HTR4: variants seen among roughly 807,000 people sequenced by gnomAD.
HTR4 encodes 5-hydroxytryptamine (serotonin) receptor 4, G protein-coupled.
A neutral mutation model predicts 36.8 loss-of-function variants in HTR4; 16 were observed. That is an observed-to-expected ratio of 0.43 (90% CI 0.29 to 0.66). HTR4 has a LOEUF of 0.66. HTR4 is among the 30% of genes least tolerant of loss of function. The probability of loss-of-function intolerance (pLI) is 0.13; values close to 1 mark genes in which losing one functional copy is unlikely to be tolerated. For synonymous variants in HTR4, 189 were observed against 185.1 expected (o/e 1.02, Z -0.17); for missense variants, 438 against 490.9 (o/e 0.89, Z 1.02).
Position 148,637,369 on chromosome 5 carries a change from G to A in HTR4, c.-47-308C>T, listed in dbSNP as rs1418210396. 2.0e-5 allele frequency among the ~76,000 whole-genome samples: 3 copies of A among 152,072 alleles called. No individual in the cohort carries two copies. The East Asian group carries it at 5.8e-4, about 29-fold the overall frequency. On this transcript the variant is annotated intron_variant, in intron 1 of 6. Transcript: ENST00000377888. ...GGCTTATTTTTATGATCTGCATTAG[G>A]ACAGTAATTAGTGAAGATAGGTAGC... is the stretch of plus-strand genomic sequence containing the variant.
chr5:148,485,549 G>A (rs1756111457), intron 6 of HTR4, among the ~76,000 whole-genome samples: 1 of 152,150 alleles, frequency 6.6e-6, no homozygotes, highest in Non-Finnish European at 1.5e-5. Context: ...GTGTGATGTG[G>A]CATTTCCATT....
chr5:148,491,803 T>A (rs1561575811), intron 6 of HTR4, among the ~76,000 whole-genome samples: 1 of 152,144 alleles, frequency 6.6e-6, no homozygotes, highest in Non-Finnish European at 1.5e-5. Context: ...GGTAATGACT[T>A]CCTGATGATC....
In HTR4 at chr5:148,601,011, T is replaced by C. The variant is rs879647355; in HGVS notation, c.26+35978A>G. On this transcript the variant is annotated intron_variant, in intron 2 of 6. Coordinates refer to ENST00000377888, the MANE Select transcript of HTR4 (RefSeq NM_000870.7). ...AAAAAAAAAAAAAAAAAACAAATAA[T>C]GCAATTAAACATTGGCTAAAGGATT... Among the ~76,000 whole-genome samples the C allele has an allele frequency of 2.5e-4, 7 of 28,422 alleles. No homozygotes were observed. The East Asian group carries it at 4.7e-3, about 19-fold the overall frequency. The allele number at this position is 28,422 out of a possible 152,430, so 18.6% of individuals were successfully genotyped here.
intron 2 of HTR4, among the ~76,000 whole-genome samples, chr5:148,593,715 T>C (rs1761663947): frequency 6.6e-6 from 1 of 152,152 alleles, no homozygotes; most frequent in South Asian, 2.1e-4. Context: ...GCTTAAAAAT[T>C]ATTACTGCAC....
chr5:148,461,551 G>C lies in HTR4; in HGVS notation c.1077-10279C>G, dbSNP rs182198658. On this transcript the variant is annotated intron_variant, in intron 5 of 5. Coordinates refer to the HTR4 transcript ENST00000521530. Reference sequence around the variant, plus strand: ...GCATTACGTAATAATAAAGGTGTCAGTTCTCCAAGAAGACATAATAATCCT... The same window carrying C: ...GCATTACGTAATAATAAAGGTGTCACTTCTCCAAGAAGACATAATAATCCT... Among the ~76,000 whole-genome samples, 6 of 152,086 alleles carry C rather than the reference G, an allele frequency of 3.9e-5. No homozygotes were observed. The East Asian group carries it at 1.2e-3, about 29-fold the overall frequency.
At position 148,598,542 on chromosome 5, in the gene HTR4, A is replaced by G. The variant is rs146735281; in HGVS notation, c.26+38447T>C. 1.5e-3 allele frequency among the ~76,000 whole-genome samples: 235 copies of G among 151,866 alleles called. 2 individuals are homozygous for G. Among genetic ancestry groups the G allele is most frequent in the African/African-American group, 5.4e-3 (223 of 41,404 alleles). On this transcript the variant is annotated intron_variant, in intron 2 of 6. Coordinates refer to ENST00000377888, the MANE Select transcript of HTR4 (RefSeq NM_000870.7). The stretch of plus-strand genomic sequence containing the variant: ...ACTCCAGCCTGGGTGACAGAGTGAG[A>G]CTCTGTCTAAAAAAAAAATAAAAAA...
chr5:148,451,164 A>T (rs975012790), exon 6 of HTR4: 20 of 1,613,420 alleles, frequency 1.2e-5, no homozygotes, highest in Non-Finnish European at 1.5e-5. Context: ...TGAATGGCTA[A>T]GTTGTGAGCC....
intron 5 of HTR4, among the ~76,000 whole-genome samples, chr5:148,519,391 A>G (rs1312441276): frequency 6.6e-6 from 1 of 152,108 alleles, no homozygotes; most frequent in Non-Finnish European, 1.5e-5. Flanking sequence ...AAATTTGGGG[A>G]TGGATTAGGA....
chr5:148,636,865 A>G (rs1307703975), intron 2 of HTR4, 124 bp downstream of exon 2: 54 of 631,792 alleles, frequency 8.5e-5, no homozygotes, highest in East Asian at 5.5e-5. Flanking sequence ...ACATGATTAT[A>G]TATGAAACAT....
chr5:148,485,433 T>A (rs1423184605), intron 6 of HTR4, among the ~76,000 whole-genome samples: 3 of 152,220 alleles, frequency 2.0e-5, no homozygotes, highest in African/African-American at 7.2e-5. Context: ...AGTATTTAGG[T>A]CTCGCTGTCT....
rs1290047620 is a variant in HTR4 at position 148,654,220 on chromosome 5, T to C, written c.-206A>G. 3 of 984,842 alleles carry C rather than the reference T, an allele frequency of 3.0e-6. No homozygotes were observed. Among genetic ancestry groups the C allele is most frequent in the African/African-American group, 3.5e-5 (2 of 57,088 alleles). The allele number at this position is 984,842 out of a possible 1,614,324, so 61.0% of individuals were successfully genotyped here. On this transcript the variant is annotated 5_prime_UTR_variant, in exon 1 of 7. Coordinates refer to ENST00000377888, the MANE Select transcript of HTR4 (RefSeq NM_000870.7). ...CGGGTGCGGGCTCCAGCCCCCGCGC[T>C]GGGGAGCCGGCGAGCGTGAGGCGCG... is the stretch of plus-strand genomic sequence containing the variant.
intron 4 of HTR4, among the ~76,000 whole-genome samples, chr5:148,524,146 T>C (rs565508553): frequency 6.6e-6 from 1 of 152,278 alleles, no homozygotes; most frequent in East Asian, 1.9e-4. Flanking sequence ...GGAGCTTGCA[T>C]GTTGACAAGT....
chr5:148,572,010 G>C (rs1488997808), intron 2 of HTR4, among the ~76,000 whole-genome samples: 1 of 152,028 alleles, frequency 6.6e-6, no homozygotes, highest in African/African-American at 2.4e-5. Context: ...TAATTCTTAA[G>C]GTAGAAATGT....
In HTR4 at chr5:148,482,395, G is replaced by A. The variant is rs200466318; in HGVS notation, c.*808C>T. ...CGTCCCGTTCTAGCCCAGCAGGAGA[G>A]CGAGCATCTCAGGGCAGACACGCCA... On this transcript the variant is annotated 3_prime_UTR_variant, in exon 7 of 7. Coordinates refer to ENST00000377888, the MANE Select transcript of HTR4 (RefSeq NM_000870.7). The A allele has an allele frequency of 5.0e-5, 49 of 985,536 alleles. No individual in the cohort carries two copies. The highest frequency in any genetic ancestry group is 5.9e-5 in the Non-Finnish European group (49 of 830,112). The allele number at this position is 985,536 out of a possible 1,614,324, so 61.0% of individuals were successfully genotyped here. A position where few individuals can be genotyped will look rare whatever the true frequency, so the allele number is the denominator to read the frequency against.
intron 2 of HTR4, among the ~76,000 whole-genome samples, chr5:148,568,364 T>C (rs953323696): frequency 6.6e-6 from 1 of 152,186 alleles, no homozygotes; most frequent in Non-Finnish European, 1.5e-5. Flanking sequence ...TTTTAAAGTA[T>C]ACATAGGGTC....
intron 5 of HTR4, among the ~76,000 whole-genome samples, chr5:148,513,139 C>T (rs1331463229): frequency 6.6e-6 from 1 of 151,982 alleles, no homozygotes; most frequent in East Asian, 1.9e-4. Flanking sequence ...CAGGTGTGAG[C>T]CACCACCCCT....
At chr5:148,567,502 C>T (rs1353002888) in intron 2 of HTR4, among the ~76,000 whole-genome samples, 1 of 152,058 alleles carries the variant, frequency 6.6e-6, no homozygotes, top group East Asian at 1.9e-4. Flanking sequence ...CAGAATATCC[C>T]AAGTTTCTAC....
chr5:148,478,087 C>T (rs899728739), downstream of HTR4, among the ~76,000 whole-genome samples: 3 of 152,148 alleles, frequency 2.0e-5, no homozygotes, highest in African/African-American at 4.8e-5. Flanking sequence ...GAGACCTTGT[C>T]CGGTTTCTTT....
exon 6 of HTR4, chr5:148,451,252 C>G: frequency 6.2e-7 from 1 of 1,613,802 alleles, no homozygotes; most frequent in Non-Finnish European, 8.5e-7. Context: ...CTGATGATGT[C>G]CCCTGTGCAG....
Sources: gnomAD v4.1 joint callset for allele counts (sites outside exome capture counted in the v4.1 genomes callset) on GRCh38, gnomAD v4.1.1 for gene constraint, MANE v1.5 for transcripts, NCBI Gene and HGNC (gene_info 2026-07-23, HGNC 2026-07-21) for gene names.